The following CNTNAP2 variants were observed in gnomAD, a reference collection of about 807,000 sequenced individuals.
CNTNAP2 encodes contactin-associated protein-like 2.
In CNTNAP2, 98 loss-of-function variants were observed where a neutral mutation model predicts 155.2. The ratio of observed to expected loss-of-function variants is 0.63; its 90% CI spans 0.54 to 0.75. The LOEUF (loss-of-function observed/expected upper bound fraction) is 0.75, where lower values mean the gene tolerates loss of function less well. Ranked by LOEUF, CNTNAP2 falls within the 30% of genes least tolerant of loss-of-function variation. The pLI is 0.00. For synonymous variants in CNTNAP2, 651 were observed against 631.2 expected (o/e 1.03, Z -0.47); for missense variants, 1,727 against 1,688.1 (o/e 1.02, Z -0.40).
chr7:146,255,690 C>T (rs1799826178), intron 1 of CNTNAP2, among the ~76,000 whole-genome samples: 1 of 152,120 alleles, frequency 6.6e-6, no homozygotes, highest in South Asian at 2.1e-4. Context: ...ACTGTGCTGA[C>T]TTCGTTCAGA....
At chr7:146,830,712 T>C (rs1392665452) in intron 2 of CNTNAP2, among the ~76,000 whole-genome samples, 4 of 152,206 alleles carry the variant, frequency 2.6e-5, no homozygotes, top group African/African-American at 9.6e-5. Flanking sequence ...GGTTCAGGTT[T>C]CCAGCCAGTG....
In CNTNAP2 at chr7:148,147,603, G is replaced by T; in HGVS notation, c.2667G>T (p.Arg889Ser). The T allele has an allele frequency of 6.2e-7, 1 of 1,614,106 alleles. No individual in the cohort carries two copies. The highest frequency in any genetic ancestry group is 8.5e-7 in the Non-Finnish European group (1 of 1,180,030). The stretch of plus-strand genomic sequence containing the variant: ...AGTGGCACCGGGTCACTGCAGAGAG[G>T]AATGTCAAGCAGGCCAGCCTACAGG... Reference protein sequence around the residue: ...DDQWHRVTAERNVKQASLQVD... With the variant: ...DDQWHRVTAESNVKQASLQVD... The change falls in exon 17 of 24, where the codon AGG (arginine) becomes AGT (serine). Residue 889 changes from arginine to serine, a missense_variant. By Grantham distance (110) the Arg-to-Ser change is moderately radical. Transcript: ENST00000361727.
intron 3 of CNTNAP2, among the ~76,000 whole-genome samples, chr7:146,909,321 G>A (rs1796222144): frequency 7.6e-6 from 1 of 130,992 alleles, no homozygotes; most frequent in South Asian, 2.8e-4. Flanking sequence ...GCATCATTCT[G>A]ATACCAAAGC....
chr7:146,352,321 G>A (rs1000399879), intron 1 of CNTNAP2, among the ~76,000 whole-genome samples: 2 of 152,046 alleles, frequency 1.3e-5, no homozygotes, highest in African/African-American at 4.8e-5. Context: ...TTTTAGAATA[G>A]TCTTAGATGG....
rs144584705 is a variant in CNTNAP2, at chr7:148,124,462, G to A, written c.2554+6174G>A. Among the ~76,000 whole-genome samples the A allele has an allele frequency of 2.0e-5, 3 of 152,208 alleles. No homozygotes were observed. The South Asian group carries it at 6.2e-4, about 32-fold the overall frequency. On this transcript the variant is annotated intron_variant, in intron 16 of 23. Transcript: ENST00000361727. ...CTAGATCCTTTTTCTGACTGAGAGG[G>A]CCATCATAACCAGGGTCCCAACCTC...
chr7:148,008,288 C>T (rs113529219), intron 15 of CNTNAP2, among the ~76,000 whole-genome samples: 43,574 of 151,890 alleles, frequency 0.29, 6,463 homozygotes, highest in Middle Eastern at 0.34. Context: ...AGGAGAATTG[C>T]TTGAACCTGG....
Position 146,595,554 on chromosome 7 carries a change from C to A in CNTNAP2, c.98-178717C>A, listed in dbSNP as rs565592697. ...TAAATTTCAATATCTTATACAATTT[C>A]TCATAGCCTCTGGCAGGAGCAATTC... On this transcript the variant is annotated intron_variant, in intron 1 of 23. Transcript: ENST00000361727. Among the ~76,000 whole-genome samples, 46 of 152,072 alleles carry A rather than the reference C, an allele frequency of 3.0e-4. No individual in the cohort carries two copies. The South Asian group carries it at 9.3e-3, about 31-fold the overall frequency.
chr7:147,299,684 C>A (rs1350466523), intron 8 of CNTNAP2, among the ~76,000 whole-genome samples: 2 of 152,100 alleles, frequency 1.3e-5, no homozygotes, highest in African/African-American at 4.8e-5. Context: ...GCCATAAATT[C>A]ATTTTCTTGT....
chr7:147,728,544 T>A (rs1316076179), intron 13 of CNTNAP2, among the ~76,000 whole-genome samples: 1 of 152,070 alleles, frequency 6.6e-6, no homozygotes. Context: ...CAAGTTTCTT[T>A]CATTGTGAAA....
At chr7:147,861,731 C>A (rs1190350334) in intron 13 of CNTNAP2, among the ~76,000 whole-genome samples, 1 of 152,068 alleles carries the variant, frequency 6.6e-6, no homozygotes, top group Non-Finnish European at 1.5e-5. Flanking sequence ...TAAATTAAGA[C>A]ATTACCAAGT....
chr7:146,354,707 G>T (rs547526667), intron 1 of CNTNAP2, among the ~76,000 whole-genome samples: 1 of 151,640 alleles, frequency 6.6e-6, no homozygotes, highest in Non-Finnish European at 1.5e-5. Flanking sequence ...GAGCCACTGT[G>T]CCCGGCCCCT....
intron 8 of CNTNAP2, among the ~76,000 whole-genome samples, chr7:147,221,952 A>G (rs1803411234): frequency 6.6e-6 from 1 of 152,170 alleles, no homozygotes; most frequent in Non-Finnish European, 1.5e-5. Context: ...AGTCAGATGT[A>G]ATTTTTGTTG....
chr7:148,412,057 C>T (rs564046952), intron 23 of CNTNAP2, among the ~76,000 whole-genome samples: 1 of 152,300 alleles, frequency 6.6e-6, no homozygotes, highest in East Asian at 1.9e-4. Context: ...ATTCTCCTGC[C>T]TCAACCTCCC....
chr7:147,212,287 C>T (rs142831267), intron 8 of CNTNAP2, among the ~76,000 whole-genome samples: 1 of 152,202 alleles, frequency 6.6e-6, no homozygotes, highest in African/African-American at 2.4e-5. Flanking sequence ...AAGATACATG[C>T]ACTCATATGT....
intron 9 of CNTNAP2, among the ~76,000 whole-genome samples, chr7:147,326,729 A>G (rs1795466779): frequency 6.6e-6 from 1 of 152,208 alleles, no homozygotes; most frequent in Non-Finnish European, 1.5e-5. Context: ...CTTTTGTGGT[A>G]ACAGCTCTTC....
At chr7:146,861,143 C>T (rs1795090234) in intron 3 of CNTNAP2, among the ~76,000 whole-genome samples, 1 of 152,016 alleles carries the variant, frequency 6.6e-6, no homozygotes, top group African/African-American at 2.4e-5. Context: ...TCACTGCAAC[C>T]TCCGCCTCCC....
chr7:148,047,171 G>A (rs987656410), intron 15 of CNTNAP2, among the ~76,000 whole-genome samples: 1 of 152,046 alleles, frequency 6.6e-6, no homozygotes, highest in African/African-American at 2.4e-5. Flanking sequence ...TATGGTCGAC[G>A]CTCATTATTC....
chr7:148,414,105 C>T (rs1267039523), intron 23 of CNTNAP2, among the ~76,000 whole-genome samples: 2 of 141,990 alleles, frequency 1.4e-5, no homozygotes, highest in Admixed American at 7.1e-5. Flanking sequence ...AGAGTCCCCC[C>T]CCCCCCCCTC....
At chr7:146,836,326 C>T (rs1803616399) in intron 2 of CNTNAP2, among the ~76,000 whole-genome samples, 1 of 152,040 alleles carries the variant, frequency 6.6e-6, no homozygotes, top group South Asian at 2.1e-4. Context: ...TTGTTAATAA[C>T]ACTTCATTAT....
Sources: allele counts gnomAD v4.1 joint callset (sites outside exome capture counted in the v4.1 genomes callset), GRCh38; gene constraint gnomAD v4.1.1; transcripts MANE v1.5; gene names NCBI Gene and HGNC (gene_info 2026-07-23, HGNC 2026-07-21).